The following MRPS28 variants were observed in gnomAD, a reference collection of about 807,000 sequenced individuals.
The protein encoded by MRPS28 is small ribosomal subunit protein bS1m.
In MRPS28, 7 loss-of-function variants were observed where a neutral mutation model predicts 10.8. The ratio of observed to expected loss-of-function variants is 0.65; its 90% CI spans 0.37 to 1.22. The LOEUF (loss-of-function observed/expected upper bound fraction) is 1.22. MRPS28 is among the 50% of genes most tolerant of loss of function. The pLI, the probability that MRPS28 is intolerant of heterozygous loss-of-function variation, is 0.02. For synonymous variants in MRPS28, 121 were observed against 93.3 expected (o/e 1.30, Z -1.71); for missense variants, 265 against 232.9 (o/e 1.14, Z -0.90).
intron 2 of MRPS28, among the ~76,000 whole-genome samples, chr8:79,920,512 T>C (rs1375640199): frequency 6.6e-6 from 1 of 152,228 alleles, no homozygotes; most frequent in Non-Finnish European, 1.5e-5. Flanking sequence ...TATCCCATTG[T>C]GGTTTTGATT....
chr8:79,996,798 G>A (rs1012283143), intron 2 of MRPS28, among the ~76,000 whole-genome samples: 2 of 152,198 alleles, frequency 1.3e-5, no homozygotes, highest in African/African-American at 4.8e-5. Context: ...TGCTTCATAT[G>A]TAAGACTGTT....
chr8:80,000,139 G>A (rs1040512530), intron 2 of MRPS28, among the ~76,000 whole-genome samples: 4 of 152,166 alleles, frequency 2.6e-5, no homozygotes, highest in African/African-American at 7.2e-5. Flanking sequence ...AAATTGAAGA[G>A]GTCTAGTAAG....
chr8:79,929,041 G>A (rs116648238), intron 2 of MRPS28, among the ~76,000 whole-genome samples: 2,846 of 152,132 alleles, frequency 0.019, 95 homozygotes, highest in African/African-American at 0.065. Flanking sequence ...GCGAGACTCC[G>A]TCTCACAAAC....
intron 2 of MRPS28, among the ~76,000 whole-genome samples, chr8:79,958,633 A>C (rs1315938005): frequency 1.3e-5 from 2 of 152,182 alleles, no homozygotes; most frequent in Non-Finnish European, 2.9e-5. Context: ...GGCATATATC[A>C]ACACAAAGTG....
chr8:79,942,306 T>C (rs906157889), intron 2 of MRPS28, among the ~76,000 whole-genome samples: 1 of 152,186 alleles, frequency 6.6e-6, no homozygotes, highest in African/African-American at 2.4e-5. Flanking sequence ...CACAGTACTT[T>C]GGGGTGAAAA....
At chr8:79,978,216 G>A (rs1184399168) in intron 2 of MRPS28, among the ~76,000 whole-genome samples, 2 of 152,118 alleles carry the variant, frequency 1.3e-5, no homozygotes, top group East Asian at 3.9e-4. Flanking sequence ...AAGTGATAGG[G>A]TGAAACAAAT....
intron 1 of MRPS28, among the ~76,000 whole-genome samples, chr8:80,009,261 C>T (rs986654794): frequency 6.6e-6 from 1 of 152,090 alleles, no homozygotes; most frequent in African/African-American, 2.4e-5. Context: ...GAACATCACA[C>T]AGCAGGGCTT....
chr8:79,950,310 C>A (rs1405543628), intron 2 of MRPS28, among the ~76,000 whole-genome samples: 1 of 152,134 alleles, frequency 6.6e-6, no homozygotes, highest in East Asian at 1.9e-4. Context: ...TCTCTAGCAG[C>A]CTTTCTCAAC....
At chr8:79,981,071 G>C (rs993408927) in intron 2 of MRPS28, among the ~76,000 whole-genome samples, 3 of 152,188 alleles carry the variant, frequency 2.0e-5, no homozygotes, top group African/African-American at 7.2e-5. Flanking sequence ...GCTCACACCT[G>C]TAAACCCAGC....
intron 2 of MRPS28, among the ~76,000 whole-genome samples, chr8:79,986,010 T>C (rs1808156317): frequency 1.3e-5 from 2 of 152,180 alleles, no homozygotes; most frequent in African/African-American, 4.8e-5. Context: ...TGATGAACAT[T>C]GATGCAAAAA....
intron 2 of MRPS28, among the ~76,000 whole-genome samples, chr8:79,922,705 T>G (rs1810127723): frequency 6.6e-6 from 1 of 152,094 alleles, no homozygotes. Context: ...AAATGAAAAC[T>G]GATACCCATT....
chr8:79,935,798 T>C (rs1460302872), intron 2 of MRPS28, among the ~76,000 whole-genome samples: 1 of 152,170 alleles, frequency 6.6e-6, no homozygotes, highest in Non-Finnish European at 1.5e-5. Flanking sequence ...AAATATTACA[T>C]TTTTGTATTT....
At chr8:79,975,412 C>T (rs2130056431) in intron 2 of MRPS28, among the ~76,000 whole-genome samples, 1 of 151,992 alleles carries the variant, frequency 6.6e-6, no homozygotes, top group East Asian at 1.9e-4. Flanking sequence ...AGTATGGTAC[C>T]CAAACCAGAA....
At chr8:79,942,461 CTCAG>C (rs1202086257) in intron 2 of MRPS28, among the ~76,000 whole-genome samples, 3 of 152,168 alleles carry the variant, frequency 2.0e-5, no homozygotes, top group African/African-American at 7.2e-5. Flanking sequence ...GTCTCAAAAT[CTCAG>C]AATTTTATCC....
intron 2 of MRPS28, among the ~76,000 whole-genome samples, chr8:79,943,764 T>C (rs963611516): frequency 1.3e-5 from 2 of 152,178 alleles, no homozygotes; most frequent in South Asian, 2.1e-4. Context: ...AAAGTCTAAA[T>C]AGAGATTATA....
At chr8:79,958,552 A>G (rs1165296792) in intron 2 of MRPS28, 8 of 572,630 alleles carry the variant, frequency 1.4e-5, no homozygotes, top group Non-Finnish European at 2.4e-5. Flanking sequence ...TTATTAAGAA[A>G]GAGAGTCACT....
intron 2 of MRPS28, among the ~76,000 whole-genome samples, chr8:79,948,675 T>C (rs1023466364): frequency 1.3e-5 from 2 of 152,218 alleles, no homozygotes; most frequent in Non-Finnish European, 2.9e-5. Flanking sequence ...TTGTTTCTCA[T>C]GAATGAACAC....
chr8:79,987,922 G>T (rs1197131816), intron 2 of MRPS28, among the ~76,000 whole-genome samples: 1 of 152,086 alleles, frequency 6.6e-6, no homozygotes, highest in Non-Finnish European at 1.5e-5. Flanking sequence ...CCATTACTGG[G>T]TATATACCCA....
chr8:80,018,081 A>T (rs1809246480), intron 1 of MRPS28, among the ~76,000 whole-genome samples: 1 of 152,118 alleles, frequency 6.6e-6, no homozygotes. Flanking sequence ...CAAGGTCAGG[A>T]TATCAAGACT....
Sources: gnomAD v4.1 joint callset for allele counts (sites outside exome capture counted in the v4.1 genomes callset) on GRCh38, gnomAD v4.1.1 for gene constraint, MANE v1.5 for transcripts, NCBI Gene and HGNC (gene_info 2026-07-23, HGNC 2026-07-21) for gene names.